UBFD1: variants seen among roughly 807,000 people sequenced by gnomAD.
UBFD1 encodes ubiquitin domain-containing protein UBFD1.
Under a neutral mutation model 35.1 loss-of-function variants are expected in UBFD1, and 12 were observed. The observed-to-expected ratio is 0.34, with a 90% CI of 0.22 to 0.55. UBFD1 has a LOEUF of 0.55. UBFD1 is among the 20% of genes least tolerant of loss of function. UBFD1 has a pLI of 0.89. For missense variants in UBFD1, 337 were observed against 410.8 expected, an observed-to-expected ratio of 0.82 and a Z score of 1.55; for synonymous variants, 178 against 167.6, an observed-to-expected ratio of 1.06 and a Z score of -0.48.
rs543943335 is a variant in UBFD1 at position 23,558,426 on chromosome 16, C to T, written c.355+147C>T. On this transcript the variant is annotated intron_variant, in intron 2 of 6. Coordinates refer to ENST00000395878, the MANE Select transcript of UBFD1 (RefSeq NM_019116.3). ...GAAGGATACTTGGATGCCCATTACTCAGCTGGGGAAAGAGACTCAAGTTTA... is the reference window on the plus strand; with the variant it reads ...GAAGGATACTTGGATGCCCATTACTTAGCTGGGGAAAGAGACTCAAGTTTA... 94 of 1,055,618 alleles carry T rather than the reference C, an allele frequency of 8.9e-5. 1 individual carries two copies. In the South Asian group the frequency reaches 1.5e-3, roughly 17 times the overall value. The allele number at this position is 1,055,618 out of a possible 1,614,324, so 65.4% of individuals were successfully genotyped here. A position where few individuals can be genotyped will look rare whatever the true frequency, so the allele number is the denominator to read the frequency against.
At position 23,559,951 on chromosome 16, in the gene UBFD1, C is replaced by T. The variant is rs1327913084; in HGVS notation, c.564+275C>T. On this transcript the variant is annotated intron_variant, in intron 3 of 6. Coordinates refer to ENST00000395878, the MANE Select transcript of UBFD1 (RefSeq NM_019116.3). ...AGACCATGTGTTGAAAGGAATCAGA[C>T]GTGGGTTTCTCTCTCTTATTTAGTG... is the stretch of plus-strand genomic sequence containing the variant. 18 of 1,348,164 alleles carry T rather than the reference C, an allele frequency of 1.3e-5. No homozygotes were observed. The Admixed American group carries it at 2.4e-4, about 18-fold the overall frequency. The allele number at this position is 1,348,164 out of a possible 1,614,324, so 83.5% of individuals were successfully genotyped here.
intron 2 of UBFD1, 71 bp downstream of exon 2, chr16:23,558,350 A>T: frequency 6.5e-7 from 1 of 1,543,008 alleles, no homozygotes. Context: ...CCTACTAGGC[A>T]CCTGGTGGCT....
rs1238496072 is a variant in UBFD1, at chr16:23,570,528, G to A, written c.868G>A (p.Val290Ile). 3 of 1,614,076 alleles carry A rather than the reference G, an allele frequency of 1.9e-6. No homozygotes were observed. Among genetic ancestry groups the A allele is most frequent in the Non-Finnish European group, 2.5e-6 (3 of 1,180,006 alleles). Residue 290 changes from valine to isoleucine, a missense_variant, in exon 7 of 7, where the codon GTT becomes ATT. Physicochemically the swap from Val to Ile is conservative, Grantham distance 29. Transcript: ENST00000395878. ...TEASYYWVYW[V>I]PTQYVDAIKD... ...AGCCTCTTACTACTGGGTGTACTGG[G>A]TTCCAACTCAATATGTGGATGCAAT...
In UBFD1 at chr16:23,570,684, C is replaced by T; in HGVS notation, c.*94C>T. On this transcript the variant is annotated 3_prime_UTR_variant, in exon 7 of 7. Coordinates refer to ENST00000395878, the MANE Select transcript of UBFD1 (RefSeq NM_019116.3). Reference sequence around the variant, plus strand: ...ATCCCTGGATTTCAGAGTTCTGGAACTTTGTTCATAAAAAATCTATATTCA... The same window carrying T: ...ATCCCTGGATTTCAGAGTTCTGGAATTTTGTTCATAAAAAATCTATATTCA... 9.6e-7 allele frequency: 1 copy of T among 1,039,508 alleles called. No homozygotes were observed. The allele number at this position is 1,039,508 out of a possible 1,614,324, so 64.4% of individuals were successfully genotyped here.
chr16:23,567,500 G>A (rs961851655), intron 6 of UBFD1, among the ~76,000 whole-genome samples: 3 of 152,110 alleles, frequency 2.0e-5, no homozygotes, highest in African/African-American at 7.2e-5. Context: ...CTGTAATAAC[G>A]ATGCCGCTCT....
chr16:23,567,700 A>G (rs1382252404), intron 6 of UBFD1, among the ~76,000 whole-genome samples: 1 of 152,278 alleles, frequency 6.6e-6, no homozygotes, highest in Non-Finnish European at 1.5e-5. Flanking sequence ...GGCAGTTTCC[A>G]AAATTTTCCC....
In UBFD1 at chr16:23,559,643, A is replaced by G. The variant is rs2142210428; in HGVS notation, c.531A>G (p.Glu177=). The G allele has an allele frequency of 1.9e-6, 3 of 1,614,292 alleles. No homozygotes were observed. The highest frequency in any genetic ancestry group is 1.3e-5 in the African/African-American group (1 of 75,084). ...KDAAQQDAKA[E]ENKKEPLCRQ... ...CTGCGCAGCAGGATGCAAAGGCCGAAGAGAACAAGAAGGAGCCTCTCTGCA... is the reference window on the plus strand; with the variant it reads ...CTGCGCAGCAGGATGCAAAGGCCGAGGAGAACAAGAAGGAGCCTCTCTGCA... The change falls in exon 3 of 7, where the codon GAA becomes GAG. Residue 177 remains glutamate (E), a synonymous_variant. Transcript: ENST00000395878.
chr16:23,565,188 G>A (rs749841914), intron 5 of UBFD1: 15 of 152,166 alleles, frequency 9.9e-5, no homozygotes, highest in African/African-American at 1.4e-4. Context: ...AAGAAGAAGC[G>A]GCTATGGAAT....
At chr16:23,566,188 C>T (rs1270100576) in intron 5 of UBFD1, 4 of 152,096 alleles carry the variant, frequency 2.6e-5, no homozygotes, top group Admixed American at 6.5e-5. Flanking sequence ...GGAGCAGGGT[C>T]GTGGTATAGA....
At chr16:23,559,377 C>G (rs1402476027) in intron 2 of UBFD1, 91 bp from the exon 3 acceptor site, 1 of 1,160,864 alleles carries the variant, frequency 8.6e-7, no homozygotes, top group Non-Finnish European at 1.2e-6. Context: ...GCAGTATTCA[C>G]TTTTTGGTCT....
Position 23,570,733 on chromosome 16 carries a change from AGCC to A in UBFD1, c.*144_*146del. ...CAATCTGAGGTGATGTGGTGACTGAAGCCAGAGGTGATGTACTTTCACCATTAG... is the reference window on the plus strand; with the variant it reads ...CAATCTGAGGTGATGTGGTGACTGAAAGAGGTGATGTACTTTCACCATTAG... On this transcript the variant is annotated 3_prime_UTR_variant, in exon 7 of 7. Transcript: ENST00000395878. 1 of 602,518 alleles carries A rather than the reference AGCC, an allele frequency of 1.7e-6. No individual in the cohort carries two copies. Among genetic ancestry groups the A allele is most frequent in the Non-Finnish European group, 2.8e-6 (1 of 353,658 alleles). The allele number at this position is 602,518 out of a possible 1,614,324, so 37.3% of individuals were successfully genotyped here.
intron 5 of UBFD1, chr16:23,565,529 G>A (rs56982275): frequency 1.3e-5 from 2 of 152,278 alleles, no homozygotes; most frequent in South Asian, 2.1e-4. Flanking sequence ...CAGGATGAAA[G>A]GTGTTTTAAA....
intron 6 of UBFD1, 27 bp downstream of exon 6, chr16:23,567,096 CCT>C (rs1288486348): frequency 6.3e-7 from 1 of 1,599,028 alleles, no homozygotes; most frequent in East Asian, 2.2e-5. Context: ...GAGTTCAGCC[CCT>C]CTCACTAGAC....
At chr16:23,566,147 G>A (rs1966007617) in intron 5 of UBFD1, 1 of 152,260 alleles carries the variant, frequency 6.6e-6, no homozygotes, top group African/African-American at 2.4e-5. Context: ...AATATAGAGT[G>A]CGGAGGACTC....
intron 6 of UBFD1, among the ~76,000 whole-genome samples, chr16:23,568,213 G>A (rs1225779308): frequency 7.2e-6 from 1 of 139,204 alleles, no homozygotes; most frequent in Non-Finnish European, 1.5e-5. Flanking sequence ...AGGCTGAAGT[G>A]CAGTGGCGCT....
chr16:23,567,096 C>A (rs765414191), intron 6 of UBFD1, 27 bp downstream of exon 6: 4 of 1,598,916 alleles, frequency 2.5e-6, no homozygotes, highest in Non-Finnish European at 3.4e-6. Context: ...GAGTTCAGCC[C>A]CTCTCACTAG....
At chr16:23,560,455 C>G (rs546339227) in intron 3 of UBFD1, among the ~76,000 whole-genome samples, 1 of 152,274 alleles carries the variant, frequency 6.6e-6, no homozygotes, top group East Asian at 1.9e-4. Flanking sequence ...TCAACTGTGT[C>G]TGAAGTAGAG....
At chr16:23,563,671 C>A (rs1216953538) in intron 5 of UBFD1, among the ~76,000 whole-genome samples, 1 of 152,170 alleles carries the variant, frequency 6.6e-6, no homozygotes, top group African/African-American at 2.4e-5. Flanking sequence ...AGGACACATT[C>A]AAATGCCTAA....
chr16:23,570,378 C>T, intron 6 of UBFD1, 102 bp from the exon 7 acceptor site: 1 of 836,526 alleles, frequency 1.2e-6, no homozygotes, highest in Non-Finnish European at 1.9e-6. Flanking sequence ...GTTTTTCTTC[C>T]CTTTTTAATT....
Sources: gnomAD v4.1 joint callset for allele counts (sites outside exome capture counted in the v4.1 genomes callset) on GRCh38, gnomAD v4.1.1 for gene constraint, MANE v1.5 for transcripts, NCBI Gene and HGNC (gene_info 2026-07-23, HGNC 2026-07-21) for gene names.